Variants in P3H2 observed in about 807,000 individuals in gnomAD.
P3H2 encodes prolyl 3-hydroxylase 2, also known as leprecan-like 1.
Under a neutral mutation model 87.0 loss-of-function variants are expected in P3H2, and 80 were observed. The observed-to-expected ratio is 0.92, with a 90% CI of 0.77 to 1.11. The LOEUF is 1.11. Ranked by LOEUF, P3H2 falls within the 50% of genes least tolerant of loss-of-function variation. The pLI, the probability that P3H2 is intolerant of heterozygous loss-of-function variation, is 0.00. For synonymous variants in P3H2, 367 were observed against 359.3 expected (o/e 1.02, Z -0.24); for missense variants, 1,001 against 923.9 (o/e 1.08, Z -1.08).
chr3:190,113,735 TGA>T (rs1205330451), intron 1 of P3H2, among the ~76,000 whole-genome samples: 1 of 152,198 alleles, frequency 6.6e-6, no homozygotes, highest in African/African-American at 2.4e-5. Flanking sequence ...CATTTGATTC[TGA>T]GAGACGAGGT....
At chr3:189,994,533 G>GT (rs1236273527) in intron 2 of P3H2, among the ~76,000 whole-genome samples, 2 of 151,962 alleles carry the variant, frequency 1.3e-5, no homozygotes, top group East Asian at 1.9e-4. Flanking sequence ...AGTCAATGTC[G>GT]TTTTTTTCCT....
intron 1 of P3H2, among the ~76,000 whole-genome samples, chr3:190,105,526 A>T (rs1169690192): frequency 6.6e-6 from 1 of 152,096 alleles, no homozygotes; most frequent in African/African-American, 2.4e-5. Context: ...CTCTTAAATT[A>T]CCATTAAATT....
chr3:190,042,721 T>A (rs901137279), intron 1 of P3H2, among the ~76,000 whole-genome samples: 1 of 152,218 alleles, frequency 6.6e-6, no homozygotes, highest in East Asian at 1.9e-4. Flanking sequence ...TACATTGGCA[T>A]AGTTACTATT....
At chr3:189,980,166 G>C (rs1474120159) in intron 8 of P3H2, among the ~76,000 whole-genome samples, 1 of 152,164 alleles carries the variant, frequency 6.6e-6, no homozygotes, top group Non-Finnish European at 1.5e-5. Context: ...ACACTGATAG[G>C]CATCCAGAGT....
intron 1 of P3H2, among the ~76,000 whole-genome samples, chr3:190,052,254 C>G (rs866434988): frequency 2.6e-5 from 4 of 152,084 alleles, no homozygotes; most frequent in African/African-American, 9.6e-5. Context: ...CCCTCACCCC[C>G]CGACAAGCCC....
At position 189,995,470 on chromosome 3, in the gene P3H2, G is replaced by T. The variant is rs570309055; in HGVS notation, c.481-28C>A. 6.3e-5 allele frequency: 102 copies of T among 1,607,088 alleles called. No individual in the cohort carries two copies. The South Asian group carries it at 8.0e-4, about 13-fold the overall frequency. The stretch of plus-strand genomic sequence containing the variant: ...AAAGAGAAAAAAAAATGACCAAAAT[G>T]AAGGCAAATATTTCCAAATCACACT... On this transcript the variant is annotated intron_variant, in intron 1 of 14. Transcript: ENST00000319332.
chr3:190,099,283 T>C (rs1711536617), intron 1 of P3H2, among the ~76,000 whole-genome samples: 1 of 152,202 alleles, frequency 6.6e-6, no homozygotes, highest in East Asian at 1.9e-4. Context: ...AATGACGCTG[T>C]AGGATATCAC....
At chr3:190,089,823 C>T (rs1727351204) in intron 1 of P3H2, among the ~76,000 whole-genome samples, 2 of 152,138 alleles carry the variant, frequency 1.3e-5, no homozygotes, top group South Asian at 4.2e-4. Context: ...AAAAGACTTG[C>T]ATACCACAAG....
chr3:189,977,209 T>C (rs1286202227), intron 8 of P3H2, among the ~76,000 whole-genome samples: 3 of 152,192 alleles, frequency 2.0e-5, no homozygotes, highest in Non-Finnish European at 4.4e-5. Context: ...TTCTAAACAG[T>C]AGAATATGGC....
chr3:190,036,542 T>A (rs531804525), intron 1 of P3H2, among the ~76,000 whole-genome samples: 7 of 152,180 alleles, frequency 4.6e-5, no homozygotes, highest in South Asian at 2.1e-4. Flanking sequence ...ATCTCCATTT[T>A]AAAAAAAATT....
At chr3:189,994,002 T>C (rs1283254407) in intron 3 of P3H2, 92 bp downstream of exon 3, 2 of 944,680 alleles carry the variant, frequency 2.1e-6, no homozygotes, top group African/African-American at 1.6e-5. Flanking sequence ...TTTTACAGTA[T>C]ATTCTTCTAT....
rs149728762 is a variant in P3H2 at position 189,971,035 on chromosome 3, A to T, written c.1818-144T>A. On this transcript the variant is annotated intron_variant, in intron 12 of 14. Transcript: ENST00000319332. Reference sequence around the variant, plus strand: ...GACATTGATATAATTGGTCCTCCAAACTCTTAAAGAGAAGATCAGATAGAG... The same window carrying T: ...GACATTGATATAATTGGTCCTCCAATCTCTTAAAGAGAAGATCAGATAGAG... The T allele has an allele frequency of 3.5e-4, 217 of 612,620 alleles. No individual in the cohort carries two copies. The East Asian group carries it at 4.1e-3, about 12-fold the overall frequency. The allele number at this position is 612,620 out of a possible 1,614,324, so 37.9% of individuals were successfully genotyped here. A position where few individuals can be genotyped will look rare whatever the true frequency, so the allele number is the denominator to read the frequency against.
intron 14 of P3H2, 130 bp from the exon 15 acceptor site, chr3:189,958,134 ACCT>A: frequency 1.4e-6 from 1 of 726,388 alleles, no homozygotes; most frequent in Non-Finnish European, 2.5e-6. Flanking sequence ...AGCATTGAAC[ACCT>A]CCTCTTCATC....
At chr3:190,092,881 G>A (rs1475233858) in intron 1 of P3H2, among the ~76,000 whole-genome samples, 1 of 152,028 alleles carries the variant, frequency 6.6e-6, no homozygotes, top group Non-Finnish European at 1.5e-5. Context: ...CAATCACCCA[G>A]GCTTTAAATC....
At chr3:189,984,778 G>T (rs1335759710) in intron 6 of P3H2, among the ~76,000 whole-genome samples, 188 bp from the exon 7 acceptor site, 1 of 152,074 alleles carries the variant, frequency 6.6e-6, no homozygotes, top group African/African-American at 2.4e-5. Context: ...TAAAGTTAGT[G>T]GAGATTTGGC....
intron 8 of P3H2, among the ~76,000 whole-genome samples, chr3:189,975,287 T>C (rs1052055185): frequency 1.3e-5 from 2 of 152,166 alleles, no homozygotes; most frequent in Non-Finnish European, 2.9e-5. Context: ...GGGTTTCCCT[T>C]AGGCACCTAC....
At chr3:190,101,506 C>G (rs1711627314) in intron 1 of P3H2, among the ~76,000 whole-genome samples, 1 of 150,576 alleles carries the variant, frequency 6.6e-6, no homozygotes, top group African/African-American at 2.4e-5. Context: ...AAAATCGAAT[C>G]AGCCACAACA....
At chr3:190,052,739 A>G (rs866262990) in intron 1 of P3H2, among the ~76,000 whole-genome samples, 2 of 152,042 alleles carry the variant, frequency 1.3e-5, no homozygotes, top group African/African-American at 4.8e-5. Context: ...ATATCTATCT[A>G]TCTGTCTTTA....
chr3:190,041,136 G>A (rs930734901), intron 1 of P3H2, among the ~76,000 whole-genome samples: 1 of 137,156 alleles, frequency 7.3e-6, no homozygotes, highest in Non-Finnish European at 1.6e-5. Context: ...GCTGGGCATG[G>A]TGGTGCACAC....
Sources: gnomAD v4.1 joint callset for allele counts (sites outside exome capture counted in the v4.1 genomes callset) on GRCh38, gnomAD v4.1.1 for gene constraint, MANE v1.5 for transcripts, NCBI Gene and HGNC (gene_info 2026-07-23, HGNC 2026-07-21) for gene names.